Variants in NKX2-6 observed in about 807,000 individuals in gnomAD.
The protein encoded by NKX2-6 is NK2 homeobox 6, also known as homeobox protein Nkx-2.6.
Under a neutral mutation model 8.6 loss-of-function variants are expected in NKX2-6, and 8 were observed. The ratio of observed to expected loss-of-function variants is 0.93; its 90% CI spans 0.54 to 1.67. NKX2-6 has a LOEUF of 1.67. NKX2-6 is among the 40% of genes most tolerant of loss of function. The pLI is 0.00. For synonymous variants in NKX2-6, 210 were observed against 199.3 expected (o/e 1.05, Z -0.45); for missense variants, 475 against 423.1 (o/e 1.12, Z -1.08).
Position 23,702,928 on chromosome 8 carries a change from C to T in NKX2-6, c.429G>A (p.Gln143=). ...RKPRVLFSQA[Q]VLALERRFKQ... ...TGAAGCGCCGCTCCAGGGCCAGCAC[C>T]TGCGCCTGCGAAAAGAGCACGCGCG... The change falls in exon 2 of 2, where the codon CAG becomes CAA. Residue 143 remains glutamine, a synonymous_variant. Coordinates refer to ENST00000325017, the MANE Select transcript of NKX2-6 (RefSeq NM_001136271.3). 1.3e-6 allele frequency: 2 copies of T among 1,550,164 alleles called. No individual in the cohort carries two copies. Among genetic ancestry groups the T allele is most frequent in the Middle Eastern group, 1.8e-4 (1 of 5,560 alleles).
chr8:23,703,659 GCACTCC>G (rs1801044805), intron 1 of NKX2-6, among the ~76,000 whole-genome samples: 1 of 152,016 alleles, frequency 6.6e-6, no homozygotes, highest in African/African-American at 2.4e-5. Context: ...TCGTGCCACT[GCACTCC>G]AGCCTGGGTG....
chr8:23,706,268 T>TC (rs1801087843), intron 1 of NKX2-6, 57 bp downstream of exon 1: 1 of 1,467,620 alleles, frequency 6.8e-7, no homozygotes, highest in Middle Eastern at 1.8e-4. Flanking sequence ...CACCCATGGA[T>TC]CACGCCCCCG....
In NKX2-6 at chr8:23,703,050, C is replaced by T; in HGVS notation, c.307G>A (p.Gly103Ser). Residue 103 changes from glycine (G) to serine (S), a missense_variant, in exon 2 of 2, where the codon GGC becomes AGC. Gly to Ser is a moderately conservative substitution (Grantham distance 56). Coordinates refer to ENST00000325017, the MANE Select transcript of NKX2-6 (RefSeq NM_001136271.3). ...PGLNAASPLG[G>S]GTRVPERGVG... ...CCGCGCTCTGGCACCCTGGTCCCGC[C>T]GCCGAGGGGCGAGGCCGCGTTCAGG... 6.5e-7 allele frequency: 1 copy of T among 1,540,294 alleles called. No homozygotes were observed.
At chr8:23,706,004 T>C (rs537568398) in intron 1 of NKX2-6, among the ~76,000 whole-genome samples, 95 of 152,202 alleles carry the variant, frequency 6.2e-4, no homozygotes, top group Non-Finnish European at 9.9e-4. Flanking sequence ...AGGGTTTCGC[T>C]GTGGAGATGA....
Position 23,702,633 on chromosome 8 carries a change from A to G in NKX2-6, c.724T>C (p.Ser242Pro), listed in dbSNP as rs1201656901. The G allele has an allele frequency of 5.8e-6, 9 of 1,549,330 alleles. No homozygotes were observed. The highest frequency in any genetic ancestry group is 1.7e-6 in the Non-Finnish European group (2 of 1,146,140). The change falls in exon 2 of 2, where the codon TCT becomes CCT. Residue 242 changes from serine (S) to proline (P), a missense_variant. Physicochemically the swap from Ser to Pro is moderately conservative, Grantham distance 74. Transcript: ENST00000325017. ...GCTCCGCTGTAGCCTCCGTAGCAAG[A>G]GTAGGGCGACACTGCTGCACTGTAG... ...SPYSAAVSPY[S>P]CYGGYSGAPY...
In NKX2-6 at chr8:23,702,842, G is replaced by C. The variant is rs759945353; in HGVS notation, c.515C>G (p.Thr172Arg). Residue 172 changes from threonine (T) to arginine (R), a missense_variant, in exon 2 of 2, where the codon ACG (threonine) becomes AGG (arginine). Transcript: ENST00000325017. Reference protein sequence around the residue: ...REHLASALQLTSTQVKIWFQN... With the variant: ...REHLASALQLRSTQVKIWFQN... ...GAACCAGATCTTGACCTGCGTGGACGTGAGCTGCAGCGCGCTGGCCAGGTG... is the reference window on the plus strand; with the variant it reads ...GAACCAGATCTTGACCTGCGTGGACCTGAGCTGCAGCGCGCTGGCCAGGTG... The C allele has an allele frequency of 1.8e-5, 28 of 1,571,354 alleles. No homozygotes were observed. The highest frequency in any genetic ancestry group is 2.4e-5 in the Non-Finnish European group (28 of 1,158,028).
In NKX2-6 at chr8:23,706,680, C is replaced by A. The variant is rs1585254062; in HGVS notation, c.-82G>T. 8 of 1,400,178 alleles carry A rather than the reference C, an allele frequency of 5.7e-6. No homozygotes were observed. The highest frequency in any genetic ancestry group is 1.4e-5 in the African/African-American group (1 of 70,192). 86.7% of individuals were successfully genotyped at this position (1,400,178 alleles called of 1,614,324 possible). On this transcript the variant is annotated 5_prime_UTR_variant, in exon 1 of 2. Coordinates refer to ENST00000325017, the MANE Select transcript of NKX2-6 (RefSeq NM_001136271.3). ...CTTCCCGTCTTGTCGCTGCAGGCCC[C>A]GCAGACAGACCCAAGCTCTGGGACA...
rs747170367 is a variant in NKX2-6, at chr8:23,702,479, G to A, written c.878C>T (p.Ala293Val). Residue 293 changes from alanine to valine, a missense_variant, in exon 2 of 2, where the codon GCC (alanine) becomes GTC (valine). By Grantham distance (64) the Ala-to-Val change is moderately conservative. Coordinates refer to ENST00000325017, the MANE Select transcript of NKX2-6 (RefSeq NM_001136271.3). ...QNATPQGHLAATLQGVRAW is the reference protein window; with the variant it reads ...QNATPQGHLAVTLQGVRAW ...CCAGGCCCTGACACCCTGCAGCGTGGCTGCCAGATGGCCCTGCGGGGTGGC... is the reference window on the plus strand; with the variant it reads ...CCAGGCCCTGACACCCTGCAGCGTGACTGCCAGATGGCCCTGCGGGGTGGC... The A allele has an allele frequency of 6.7e-7, 1 of 1,495,494 alleles. No homozygotes were observed. Among genetic ancestry groups the A allele is most frequent in the South Asian group, 1.3e-5 (1 of 77,290 alleles). The allele number at this position is 1,495,494 out of a possible 1,614,324, so 92.6% of individuals were successfully genotyped here.
At position 23,702,368 on chromosome 8, in the gene NKX2-6, C is replaced by G; in HGVS notation, c.*83G>C. 2.9e-6 allele frequency: 4 copies of G among 1,365,688 alleles called. No homozygotes were observed. The highest frequency in any genetic ancestry group is 2.9e-6 in the Non-Finnish European group (3 of 1,041,722). The allele number at this position is 1,365,688 out of a possible 1,614,324, so 84.6% of individuals were successfully genotyped here. On this transcript the variant is annotated 3_prime_UTR_variant, in exon 2 of 2. Coordinates refer to ENST00000325017, the MANE Select transcript of NKX2-6 (RefSeq NM_001136271.3). ...GGGTAGCAGCTTCCTTCCAGCGCCG[C>G]GTCCCCTCCTTGTCACGACCTGCGG... is the stretch of plus-strand genomic sequence containing the variant.
In NKX2-6 at chr8:23,702,532, G is replaced by C. The variant is rs1360496278; in HGVS notation, c.825C>G (p.Ser275Arg). 10 of 1,539,388 alleles carry C rather than the reference G, an allele frequency of 6.5e-6. No homozygotes were observed. The highest frequency in any genetic ancestry group is 1.4e-5 in the African/African-American group (1 of 73,028). Residue 275 changes from serine to arginine, a missense_variant, in exon 2 of 2, where the codon AGC (serine) becomes AGG (arginine). Coordinates refer to ENST00000325017, the MANE Select transcript of NKX2-6 (RefSeq NM_001136271.3). ...TCTGGCCACCGTGTCCGAAGCCCGCGCTGGCCAGTGGTGTGTGTGGCGCAG... is the reference window on the plus strand; with the variant it reads ...TCTGGCCACCGTGTCCGAAGCCCGCCCTGGCCAGTGGTGTGTGTGGCGCAG... The part of the protein sequence containing the change: ...SGPAPHTPLA[S>R]AGFGHGGQNA...
In NKX2-6 at chr8:23,702,089, C is replaced by A. The variant is rs1454445275; in HGVS notation, c.*362G>T. ...ACCATCTCCATTCACCGCCGATGCC[C>A]CGGGGCTGCTGCGTACAGATGCAAG... On this transcript the variant is annotated 3_prime_UTR_variant, in exon 2 of 2. Coordinates refer to ENST00000325017, the MANE Select transcript of NKX2-6 (RefSeq NM_001136271.3). 6.6e-6 allele frequency among the ~76,000 whole-genome samples: 1 copy of A among 152,156 alleles called. No homozygotes were observed. The highest frequency in any genetic ancestry group is 6.5e-5 in the Admixed American group (1 of 15,280).
Position 23,702,634 on chromosome 8 carries a change from G to T in NKX2-6, c.723C>A (p.Tyr241Ter). The change falls in exon 2 of 2, where the codon TAC (tyrosine) becomes TAA (stop). Residue 241 changes from tyrosine to a stop codon, truncating the protein, a stop_gained. Transcript: ENST00000325017. LOFTEE classifies it low-confidence loss of function (END_TRUNC). ...PSPYSAAVSP[Y>*]SCYGGYSGAP... ...CTCCGCTGTAGCCTCCGTAGCAAGA[G>T]TAGGGCGACACTGCTGCACTGTAGG... The T allele has an allele frequency of 6.5e-7, 1 of 1,549,540 alleles. No individual in the cohort carries two copies. The highest frequency in any genetic ancestry group is 8.7e-7 in the Non-Finnish European group (1 of 1,146,196).
intron 1 of NKX2-6, among the ~76,000 whole-genome samples, chr8:23,705,206 G>A (rs1278612650): frequency 6.6e-6 from 1 of 152,268 alleles, no homozygotes; most frequent in Non-Finnish European, 1.5e-5. Flanking sequence ...GCAGCGCCGA[G>A]GGAGTTTAGA....
intron 1 of NKX2-6, among the ~76,000 whole-genome samples, chr8:23,705,032 G>A (rs1801068509): frequency 6.6e-6 from 1 of 152,230 alleles, no homozygotes; most frequent in South Asian, 2.1e-4. Flanking sequence ...GTCCCTCCTC[G>A]GCGGCGTCCA....
rs904420391 is a variant in NKX2-6 at position 23,706,535 on chromosome 8, C to G, written c.64G>C (p.Glu22Gln). The G allele has an allele frequency of 6.5e-7, 1 of 1,537,002 alleles. No homozygotes were observed. The highest frequency in any genetic ancestry group is 2.0e-5 in the Admixed American group (1 of 51,006). ...GGCGAAGCCGCGGGGCAGCTCCGCTCGCGCTCCAGTCGCAGGATGTCCTTG... is the reference window on the plus strand; with the variant it reads ...GGCGAAGCCGCGGGGCAGCTCCGCTGGCGCTCCAGTCGCAGGATGTCCTTG... Reference protein sequence around the residue: ...SVKDILRLERERSCPAASPHP... With the variant: ...SVKDILRLERQRSCPAASPHP... Residue 22 changes from glutamate (E) to glutamine (Q), a missense_variant, in exon 1 of 2, where the codon GAG becomes CAG. Glu to Gln is a conservative substitution (Grantham distance 29). Coordinates refer to ENST00000325017, the MANE Select transcript of NKX2-6 (RefSeq NM_001136271.3).
chr8:23,703,233 G>A lies in NKX2-6; in HGVS notation c.275-151C>T, dbSNP rs527724507. On this transcript the variant is annotated intron_variant, in intron 1 of 1. Coordinates refer to ENST00000325017, the MANE Select transcript of NKX2-6 (RefSeq NM_001136271.3). ...CTGCCCCCGAACCCTGTCCCAGGAC[G>A]AACCCTGTCCCAGGACTGTCTCCAT... Among the ~76,000 whole-genome samples, 17 of 152,304 alleles carry A rather than the reference G, an allele frequency of 1.1e-4. No homozygotes were observed. In the South Asian group the frequency reaches 3.5e-3, roughly 32 times the overall value.
Position 23,706,181 on chromosome 8 carries a change from A to G in NKX2-6, c.274+144T>C, listed in dbSNP as rs942029276. On this transcript the variant is annotated intron_variant, in intron 1 of 1. Coordinates refer to ENST00000325017, the MANE Select transcript of NKX2-6 (RefSeq NM_001136271.3). Reference sequence around the variant, plus strand: ...GGAGAGGATGGGAATGGGATTCGAGAGGCCTTTTTTTGGACTCCTCGAGAG... The same window carrying G: ...GGAGAGGATGGGAATGGGATTCGAGGGGCCTTTTTTTGGACTCCTCGAGAG... 3 of 795,198 alleles carry G rather than the reference A, an allele frequency of 3.8e-6. No individual in the cohort carries two copies. The East Asian group carries it at 8.1e-5, about 22-fold the overall frequency. The allele number at this position is 795,198 out of a possible 1,614,324, so 49.3% of individuals were successfully genotyped here.
Position 23,701,971 on chromosome 8 carries a change from C to T in NKX2-6, c.*480G>A, listed in dbSNP as rs368832388. On this transcript the variant is annotated 3_prime_UTR_variant, in exon 2 of 2. Coordinates refer to ENST00000325017, the MANE Select transcript of NKX2-6 (RefSeq NM_001136271.3). Reference sequence around the variant, plus strand: ...CGTGAACTTCCCGGATCCTCAAGTTCCCAGCTCTTCAGCCCCCTTCCCGCC... The same window carrying T: ...CGTGAACTTCCCGGATCCTCAAGTTTCCAGCTCTTCAGCCCCCTTCCCGCC... Among the ~76,000 whole-genome samples, 1 of 152,156 alleles carries T rather than the reference C, an allele frequency of 6.6e-6. No individual in the cohort carries two copies. Among genetic ancestry groups the T allele is most frequent in the East Asian group, 1.9e-4 (1 of 5,174 alleles).
chr8:23,702,068 T>C lies in NKX2-6; in HGVS notation c.*383A>G, dbSNP rs1244498928. On this transcript the variant is annotated 3_prime_UTR_variant, in exon 2 of 2. Coordinates refer to ENST00000325017, the MANE Select transcript of NKX2-6 (RefSeq NM_001136271.3). The stretch of plus-strand genomic sequence containing the variant: ...GGATGGTAGGCCCGCTAGATCACCA[T>C]CTCCATTCACCGCCGATGCCCCGGG... Among the ~76,000 whole-genome samples the C allele has an allele frequency of 6.6e-6, 1 of 150,784 alleles. No homozygotes were observed. The highest frequency in any genetic ancestry group is 1.5e-5 in the Non-Finnish European group (1 of 67,700).
Sources: allele counts gnomAD v4.1 joint callset (sites outside exome capture counted in the v4.1 genomes callset), GRCh38; gene constraint gnomAD v4.1.1; transcripts MANE v1.5; gene names NCBI Gene and HGNC (gene_info 2026-07-23, HGNC 2026-07-21).